Variants in INA observed in about 807,000 individuals in gnomAD.
INA encodes internexin neuronal intermediate filament protein alpha, also known as alpha-internexin.
INA carries 35 observed loss-of-function variants against 40.1 expected under a neutral mutation model. The observed-to-expected ratio is 0.87, with a 90% CI of 0.67 to 1.16. The LOEUF is 1.16. Ranked by LOEUF, INA falls within the 50% of genes most tolerant of loss-of-function variation. INA has a pLI of 0.00. For synonymous variants in INA, 290 were observed against 316.9 expected (o/e 0.92, Z 0.90); for missense variants, 594 against 686.7 (o/e 0.87, Z 1.51).
In INA at chr10:103,277,650, C is replaced by T. The variant is rs1033013205; in HGVS notation, c.439C>T (p.Leu147=). 3.6e-6 allele frequency: 5 copies of T among 1,391,438 alleles called. No individual in the cohort carries two copies. The African/African-American group carries it at 7.6e-5, about 21-fold the overall frequency. 86.2% of individuals were successfully genotyped at this position (1,391,438 alleles called of 1,614,324 possible). A position where few individuals can be genotyped will look rare whatever the true frequency, so the allele number is the denominator to read the frequency against. Residue 147 remains leucine (L), a synonymous_variant, in exon 1 of 3, where the codon CTG becomes TTG. Transcript: ENST00000369849. The surrounding 1 kb of genome is among the most constrained non-coding windows in gnomAD (Gnocchi z 5.6). The part of the protein sequence containing the change: ...SRVGELFQRE[L]RDLRAQLEEA... The stretch of plus-strand genomic sequence containing the variant: ...CGTCGGCGAGCTCTTCCAGCGCGAG[C>T]TGCGCGACCTGCGCGCGCAGCTGGA...
In INA at chr10:103,278,102, G is replaced by A. The variant is rs2093064579; in HGVS notation, c.891G>A (p.Gln297=). The A allele has an allele frequency of 6.2e-7, 1 of 1,613,334 alleles. No individual in the cohort carries two copies. The highest frequency in any genetic ancestry group is 8.5e-7 in the Non-Finnish European group (1 of 1,179,936). Residue 297 remains glutamine (Q), a synonymous_variant, in exon 1 of 3, where the codon CAG becomes CAA. Coordinates refer to ENST00000369849, the MANE Select transcript of INA (RefSeq NM_032727.4). The surrounding 1 kb of genome is among the most constrained non-coding windows in gnomAD (Gnocchi z 4.9). ...CCAAGTTTGCCAACCTGAACGAGCA[G>A]GCGGCGCGCAGCACCGAGGCCATCC... The part of the protein sequence containing the change: ...YKSKFANLNE[Q]AARSTEAIRA...
chr10:103,277,853 G>A lies in INA; in HGVS notation c.642G>A (p.Glu214=), dbSNP rs2093063628. Residue 214 remains glutamate, a synonymous_variant, in exon 1 of 3, where the codon GAG becomes GAA. Transcript: ENST00000369849. The surrounding 1 kb of genome is among the most constrained non-coding windows in gnomAD (Gnocchi z 5.6). The stretch of plus-strand genomic sequence containing the variant: ...CCACGCTGGCCCGCCTGGACCTGGA[G>A]AAGAAGGTGGAGTCGCTGCTGGACG... ...DGATLARLDL[E]KKVESLLDEL... is the part of the protein sequence containing the mutation. 2 of 1,547,898 alleles carry A rather than the reference G, an allele frequency of 1.3e-6. No individual in the cohort carries two copies. The highest frequency in any genetic ancestry group is 1.2e-5 in the South Asian group (1 of 84,034).
Position 103,278,324 on chromosome 10 carries a change from C to T in INA, c.1065+48C>T, listed in dbSNP as rs375553262. On this transcript the variant is annotated intron_variant, in intron 1 of 2. Transcript: ENST00000369849. The surrounding 1 kb of genome is among the most constrained non-coding windows in gnomAD (Gnocchi z 4.9). ...GGGAGGGGTGCCCTGCCCTCTTCCG[C>T]GCGTACCCTCTTCCTCTGGTAAAAC... 47 of 1,385,658 alleles carry T rather than the reference C, an allele frequency of 3.4e-5. No homozygotes were observed. Among genetic ancestry groups the T allele is most frequent in the Middle Eastern group, 2.6e-4 (1 of 3,876 alleles). 85.8% of individuals were successfully genotyped at this position (1,385,658 alleles called of 1,614,324 possible).
At chr10:103,279,885 C>G in intron 1 of INA, 1 of 1,226,562 alleles carries the variant, frequency 8.2e-7, no homozygotes, top group South Asian at 1.3e-5. Context: ...ACCCTAACCC[C>G]TGGATGGCCT....
intron 1 of INA, among the ~76,000 whole-genome samples, chr10:103,286,694 T>TA (rs35520764): frequency 0.14 from 19,525 of 143,122 alleles, 1,586 homozygotes; most frequent in Non-Finnish European, 0.19. Context: ...ATGGTAAGTG[T>TA]AAAAAAAAAA....
At chr10:103,282,984 GA>G (rs2093075869) in intron 1 of INA, among the ~76,000 whole-genome samples, 2 of 152,120 alleles carry the variant, frequency 1.3e-5, no homozygotes, top group Non-Finnish European at 2.9e-5. Flanking sequence ...TAATTTAACA[GA>G]TAATGGACTC....
At position 103,277,168 on chromosome 10, in the gene INA, G is replaced by A; in HGVS notation, c.-44G>A. ...GCCTGCCGCACCTCTCCTTTCTTCT[G>A]TAGCTCGCGTTGAAGCCGCACGTCC... On this transcript the variant is annotated 5_prime_UTR_variant, in exon 1 of 3. Coordinates refer to ENST00000369849, the MANE Select transcript of INA (RefSeq NM_032727.4). This position sits in a 1 kb window ranked among gnomAD's most constrained non-coding sequence, Gnocchi z 5.6. 6.5e-7 allele frequency: 1 copy of A among 1,530,718 alleles called. No individual in the cohort carries two copies. The highest frequency in any genetic ancestry group is 1.2e-5 in the South Asian group (1 of 81,648). 94.8% of individuals were successfully genotyped at this position (1,530,718 alleles called of 1,614,324 possible).
chr10:103,281,617 A>G (rs1312339183), intron 1 of INA, among the ~76,000 whole-genome samples: 2 of 152,316 alleles, frequency 1.3e-5, no homozygotes, highest in Non-Finnish European at 2.9e-5. Context: ...GTGAACCACA[A>G]ATAAAAATCC....
chr10:103,277,189 C>T lies in INA; in HGVS notation c.-23C>T, dbSNP rs1355374642. On this transcript the variant is annotated 5_prime_UTR_variant, in exon 1 of 3. In the 5' UTR this introduces an upstream ATG that the reference lacks. Coordinates refer to ENST00000369849, the MANE Select transcript of INA (RefSeq NM_032727.4). This position sits in a 1 kb window ranked among gnomAD's most constrained non-coding sequence, Gnocchi z 5.6. ...TTCTGTAGCTCGCGTTGAAGCCGCACGTCCGGCCCCGATCCCGGCACCATG... is the reference window on the plus strand; with the variant it reads ...TTCTGTAGCTCGCGTTGAAGCCGCATGTCCGGCCCCGATCCCGGCACCATG... 3 of 1,557,868 alleles carry T rather than the reference C, an allele frequency of 1.9e-6. No homozygotes were observed. The highest frequency in any genetic ancestry group is 1.7e-6 in the Non-Finnish European group (2 of 1,158,252).
Position 103,277,386 on chromosome 10 carries a change from T to G in INA, c.175T>G (p.Ser59Ala). ...CTCGGCCGCCTGCTCCTCGGCCTCGTCGCTCGGCCTCGGCCTGGCCTATCG... is the reference window on the plus strand; with the variant it reads ...CTCGGCCGCCTGCTCCTCGGCCTCGGCGCTCGGCCTCGGCCTGGCCTATCG... ...ASSAACSSAS[S>A]LGLGLAYRRP... Residue 59 changes from serine (S) to alanine (A), a missense_variant, in exon 1 of 3, where the codon TCG becomes GCG. Transcript: ENST00000369849. The surrounding 1 kb of genome is among the most constrained non-coding windows in gnomAD (Gnocchi z 5.6). 2 of 1,560,494 alleles carry G rather than the reference T, an allele frequency of 1.3e-6. No homozygotes were observed. The highest frequency in any genetic ancestry group is 1.7e-6 in the Non-Finnish European group (2 of 1,160,674).
Position 103,280,041 on chromosome 10 carries a change from C to T in INA, c.1065+1765C>T. On this transcript the variant is annotated intron_variant, in intron 1 of 2. Transcript: ENST00000369849. Reference sequence around the variant, plus strand: ...CAGAGCTGCCAGCTGAATTGGGCTTCTCCATTTTCTCTGCTTGTTATAGCC... The same window carrying T: ...CAGAGCTGCCAGCTGAATTGGGCTTTTCCATTTTCTCTGCTTGTTATAGCC... The T allele has an allele frequency of 3.1e-6, 4 of 1,273,692 alleles. No homozygotes were observed. The South Asian group carries it at 3.9e-5, about 12-fold the overall frequency. The allele number at this position is 1,273,692 out of a possible 1,614,324, so 78.9% of individuals were successfully genotyped here.
chr10:103,277,194 G>C lies in INA; in HGVS notation c.-18G>C. 1 of 1,563,814 alleles carries C rather than the reference G, an allele frequency of 6.4e-7. No individual in the cohort carries two copies. The highest frequency in any genetic ancestry group is 8.6e-7 in the Non-Finnish European group (1 of 1,160,326). ...TAGCTCGCGTTGAAGCCGCACGTCC[G>C]GCCCCGATCCCGGCACCATGAGCTT... On this transcript the variant is annotated 5_prime_UTR_variant, in exon 1 of 3. Coordinates refer to ENST00000369849, the MANE Select transcript of INA (RefSeq NM_032727.4). This position sits in a 1 kb window ranked among gnomAD's most constrained non-coding sequence, Gnocchi z 5.6.
intron 1 of INA, among the ~76,000 whole-genome samples, chr10:103,283,871 C>T (rs1037563207): frequency 6.6e-6 from 1 of 151,936 alleles, no homozygotes; most frequent in East Asian, 1.9e-4. Flanking sequence ...CTACCTCAGC[C>T]TCCAGAGTAG....
At position 103,288,249 on chromosome 10, in the gene INA, A is replaced by G. The variant is rs909754003; in HGVS notation, c.1191-111A>G. On this transcript the variant is annotated intron_variant, in intron 2 of 2. Transcript: ENST00000369849. ...ATTTATTGGTTTCAATCTCATGAAGAAACTCCAAAGTCCTTTGGAATCTCT... is the reference window on the plus strand; with the variant it reads ...ATTTATTGGTTTCAATCTCATGAAGGAACTCCAAAGTCCTTTGGAATCTCT... The G allele has an allele frequency of 4.0e-6, 4 of 1,001,818 alleles. No individual in the cohort carries two copies. The Admixed American group carries it at 9.7e-5, about 24-fold the overall frequency. The allele number at this position is 1,001,818 out of a possible 1,614,324, so 62.1% of individuals were successfully genotyped here.
intron 1 of INA, among the ~76,000 whole-genome samples, chr10:103,282,995 CATCAT>C (rs1482140522): frequency 2.6e-5 from 4 of 152,162 alleles, no homozygotes; most frequent in Admixed American, 6.5e-5. Context: ...ATAATGGACT[CATCAT>C]ATATTAATGT....
rs756450190 is a variant in INA, at chr10:103,277,344, C to G, written c.133C>G (p.Arg45Gly). Residue 45 changes from arginine (R) to glycine (G), a missense_variant, in exon 1 of 3, where the codon CGC becomes GGC. Physicochemically the swap from Arg to Gly is moderately radical, Grantham distance 125 (BLOSUM62 -2). Transcript: ENST00000369849. The surrounding 1 kb of genome is among the most constrained non-coding windows in gnomAD (Gnocchi z 5.6). ...AGGFRSQSLS[R>G]SNVASSAACS... ...CGGCTTCCGCTCGCAGTCGCTGTCC[C>G]GCAGCAATGTGGCCTCCTCGGCCGC... The G allele has an allele frequency of 6.3e-7, 1 of 1,581,324 alleles. No homozygotes were observed. The highest frequency in any genetic ancestry group is 8.5e-7 in the Non-Finnish European group (1 of 1,170,004).
rs2093096600 is a variant in INA at position 103,290,015 on chromosome 10, C to G, written c.*1346C>G. ...TCGCTTGCTAGAAGTAGATTCTGGA[C>G]AGTCAGCTCTTCATCTGCCCAACTG... On this transcript the variant is annotated 3_prime_UTR_variant, in exon 3 of 3. Transcript: ENST00000369849. The G allele has an allele frequency of 6.6e-6, 1 of 152,622 alleles. No individual in the cohort carries two copies. Among genetic ancestry groups the G allele is most frequent in the African/African-American group, 2.4e-5 (1 of 41,434 alleles). The allele number at this position is 152,622 out of a possible 1,614,324, so 9.5% of individuals were successfully genotyped here. A position where few individuals can be genotyped will look rare whatever the true frequency, so the allele number is the denominator to read the frequency against.
At chr10:103,285,061 G>A (rs957661774) in intron 1 of INA, among the ~76,000 whole-genome samples, 3 of 151,992 alleles carry the variant, frequency 2.0e-5, no homozygotes, top group Non-Finnish European at 4.4e-5. Flanking sequence ...TCGGCTCACT[G>A]CAACCTCCGC....
intron 1 of INA, among the ~76,000 whole-genome samples, chr10:103,286,727 C>T (rs1470965868): frequency 1.3e-5 from 2 of 151,874 alleles, no homozygotes; most frequent in African/African-American, 4.8e-5. Flanking sequence ...ATGTTCAGTT[C>T]AGAACTATAT....
Sources: allele counts gnomAD v4.1 joint callset (sites outside exome capture counted in the v4.1 genomes callset), GRCh38; gene constraint gnomAD v4.1.1; non-coding constraint Gnocchi (gnomAD v3.1); transcripts MANE v1.5; gene names NCBI Gene and HGNC (gene_info 2026-07-23, HGNC 2026-07-21).